The following FARS2 variants were observed in gnomAD, a reference collection of about 807,000 sequenced individuals.
FARS2 encodes the protein phenylalanine--tRNA ligase, mitochondrial.
FARS2 carries 40 observed loss-of-function variants against 46.4 expected under a neutral mutation model. That is an observed-to-expected ratio of 0.86 (90% CI 0.67 to 1.12). The LOEUF is 1.12. Ranked by LOEUF, FARS2 falls within the 50% of genes most tolerant of loss-of-function variation. FARS2 has a pLI of 0.00. For missense variants in FARS2, 513 were observed against 567.9 expected, an observed-to-expected ratio of 0.90 and a Z score of 0.98; for synonymous variants, 234 against 214.9, an observed-to-expected ratio of 1.09 and a Z score of -0.78.
At chr6:5,330,171 T>C (rs1027452987) in intron 1 of FARS2, among the ~76,000 whole-genome samples, 1 of 152,172 alleles carries the variant, frequency 6.6e-6, no homozygotes, top group Non-Finnish European at 1.5e-5. Flanking sequence ...CTATTATCCC[T>C]ATCAATCAAG....
chr6:5,290,526 A>G (rs73718045), intron 1 of FARS2, among the ~76,000 whole-genome samples: 4,872 of 152,286 alleles, frequency 0.032, 273 homozygotes, highest in African/African-American at 0.11. Context: ...TAATATAGGA[A>G]TTTTTAAAGC....
At chr6:5,508,054 G>A (rs1768202936) in intron 4 of FARS2, among the ~76,000 whole-genome samples, 1 of 152,170 alleles carries the variant, frequency 6.6e-6, no homozygotes, top group Admixed American at 6.5e-5. Flanking sequence ...ATGCTTCTAT[G>A]TTTCACAATA....
At chr6:5,738,082 T>C (rs1761065604) in intron 6 of FARS2, among the ~76,000 whole-genome samples, 1 of 152,172 alleles carries the variant, frequency 6.6e-6, no homozygotes, top group South Asian at 2.1e-4. Context: ...TTCTGAGTAC[T>C]TGGGACTACA....
At chr6:5,331,764 G>A (rs1770813863) in intron 1 of FARS2, among the ~76,000 whole-genome samples, 1 of 152,200 alleles carries the variant, frequency 6.6e-6, no homozygotes, top group Admixed American at 6.5e-5. Context: ...ATTTCAGAGA[G>A]CATCAGCTGC....
At chr6:5,432,673 C>T (rs892917772) in intron 4 of FARS2, among the ~76,000 whole-genome samples, 2 of 150,974 alleles carry the variant, frequency 1.3e-5, no homozygotes, top group Admixed American at 1.3e-4. Context: ...GGCTCTGCTC[C>T]CTTAGAAGGA....
At chr6:5,562,618 T>A (rs1366832729) in intron 5 of FARS2, among the ~76,000 whole-genome samples, 3 of 151,724 alleles carry the variant, frequency 2.0e-5, no homozygotes, top group Non-Finnish European at 2.9e-5. Context: ...CACAGCCCAT[T>A]CCCACAGATG....
chr6:5,618,038 G>T (rs372106282), intron 6 of FARS2, among the ~76,000 whole-genome samples: 1 of 152,254 alleles, frequency 6.6e-6, no homozygotes, highest in African/African-American at 2.4e-5. Context: ...GATTTCTCTC[G>T]TAACTACTCA....
intron 4 of FARS2, among the ~76,000 whole-genome samples, chr6:5,456,430 G>A (rs1322507618): frequency 6.6e-6 from 1 of 151,898 alleles, no homozygotes; most frequent in Non-Finnish European, 1.5e-5. Flanking sequence ...AGAATATGTT[G>A]AATAAAGAGA....
chr6:5,487,525 G>A (rs1013360111), intron 4 of FARS2, among the ~76,000 whole-genome samples: 1 of 152,144 alleles, frequency 6.6e-6, no homozygotes, highest in Non-Finnish European at 1.5e-5. Flanking sequence ...TGGCACTATC[G>A]TTGCTATTCC....
chr6:5,614,441 G>T (rs1775356672), intron 6 of FARS2, among the ~76,000 whole-genome samples: 1 of 143,724 alleles, frequency 7.0e-6, no homozygotes, highest in African/African-American at 2.7e-5. Flanking sequence ...ACGGAGTCTC[G>T]CTCTGTCGCC....
At chr6:5,737,180 G>A (rs1761006401) in intron 6 of FARS2, among the ~76,000 whole-genome samples, 2 of 152,102 alleles carry the variant, frequency 1.3e-5, no homozygotes, top group Non-Finnish European at 1.5e-5. Context: ...TACACTCAGA[G>A]CCACTCAAAA....
intron 6 of FARS2, among the ~76,000 whole-genome samples, chr6:5,710,713 G>A (rs777055485): frequency 6.6e-6 from 1 of 152,236 alleles, no homozygotes; most frequent in Non-Finnish European, 1.5e-5. Flanking sequence ...TGCCCAGAGA[G>A]AGGGCTCTGG....
At chr6:5,760,233 AT>A (rs1762412893) in intron 6 of FARS2, among the ~76,000 whole-genome samples, 2 of 152,258 alleles carry the variant, frequency 1.3e-5, no homozygotes, top group African/African-American at 2.4e-5. Context: ...GTTTTACAAC[AT>A]AACACAGTCA....
intron 4 of FARS2, among the ~76,000 whole-genome samples, chr6:5,453,601 A>T (rs1764640102): frequency 6.6e-6 from 1 of 152,228 alleles, no homozygotes; most frequent in Non-Finnish European, 1.5e-5. Flanking sequence ...TGTTTAACAT[A>T]TGATGAAGTT....
intron 6 of FARS2, among the ~76,000 whole-genome samples, chr6:5,655,345 G>A (rs1777559964): frequency 6.6e-6 from 1 of 151,936 alleles, no homozygotes; most frequent in African/African-American, 2.4e-5. Context: ...TTGTGTCCAG[G>A]ATCCCACCTT....
chr6:5,444,473 A>AAAG (rs1764041690), intron 4 of FARS2, among the ~76,000 whole-genome samples: 1 of 45,078 alleles, frequency 2.2e-5, no homozygotes, highest in Non-Finnish European at 4.3e-5. Context: ...TCTCAAAAAA[A>AAAG]AAAAAAAAAA....
chr6:5,468,400 A>G (rs779847071), intron 4 of FARS2, among the ~76,000 whole-genome samples: 11 of 152,072 alleles, frequency 7.2e-5, no homozygotes, highest in African/African-American at 2.7e-4. Flanking sequence ...TAATGAAAGA[A>G]AAGGAGAATT....
At chr6:5,672,082 A>G (rs944304365) in intron 6 of FARS2, among the ~76,000 whole-genome samples, 1 of 152,268 alleles carries the variant, frequency 6.6e-6, no homozygotes, top group Non-Finnish European at 1.5e-5. Context: ...AAGGATGAGT[A>G]GATGAACACA....
intron 1 of FARS2, among the ~76,000 whole-genome samples, chr6:5,352,500 G>A (rs1170574480): frequency 6.6e-6 from 1 of 151,940 alleles, no homozygotes; most frequent in Non-Finnish European, 1.5e-5. Context: ...TCAGTAGAGA[G>A]CAGTAGGTGA....
Sources: gnomAD v4.1 joint callset for allele counts (sites outside exome capture counted in the v4.1 genomes callset) on GRCh38, gnomAD v4.1.1 for gene constraint, MANE v1.5 for transcripts, NCBI Gene and HGNC (gene_info 2026-07-23, HGNC 2026-07-21) for gene names.